SLC39A11: variants seen among roughly 807,000 people sequenced by gnomAD.
The protein encoded by SLC39A11 is zinc transporter ZIP11.
In SLC39A11, 33 loss-of-function variants were observed where a neutral mutation model predicts 36.1. That is an observed-to-expected ratio of 0.91 (90% CI 0.69 to 1.22). The LOEUF (loss-of-function observed/expected upper bound fraction) is 1.22. SLC39A11 is among the 50% of genes most tolerant of loss of function. SLC39A11 has a pLI of 0.00. For missense variants in SLC39A11, 432 were observed against 430.3 expected (o/e 1.00, Z -0.03); for synonymous variants, 166 against 170.3 (o/e 0.97, Z 0.20).
intron 6 of SLC39A11, among the ~76,000 whole-genome samples, chr17:72,750,037 C>A (rs2075092911): frequency 6.6e-6 from 1 of 152,172 alleles, no homozygotes; most frequent in Non-Finnish European, 1.5e-5. Flanking sequence ...GAGTTCTCCA[C>A]AAAGAGACTG....
intron 3 of SLC39A11, among the ~76,000 whole-genome samples, chr17:73,055,185 G>A (rs946136151): frequency 6.6e-6 from 1 of 152,206 alleles, no homozygotes; most frequent in African/African-American, 2.4e-5. Context: ...CTTCTGGGGA[G>A]TCGAGGGGGG....
intron 4 of SLC39A11, among the ~76,000 whole-genome samples, chr17:72,971,134 C>T (rs2087418514): frequency 6.6e-6 from 1 of 152,088 alleles, no homozygotes; most frequent in African/African-American, 2.4e-5. Context: ...TACGAGTGAC[C>T]CAGAAGGAAG....
chr17:73,057,736 G>A (rs964404322), intron 3 of SLC39A11, among the ~76,000 whole-genome samples: 14 of 152,184 alleles, frequency 9.2e-5, no homozygotes, highest in Admixed American at 3.9e-4. Flanking sequence ...TCAGGAGTAC[G>A]AGACCAGCCT....
At chr17:72,927,896 T>C (rs2084145705) in intron 5 of SLC39A11, among the ~76,000 whole-genome samples, 1 of 151,888 alleles carries the variant, frequency 6.6e-6, no homozygotes, top group Non-Finnish European at 1.5e-5. Context: ...ACAGGAAATA[T>C]TCATGAAAAG....
chr17:73,061,452 GC>G (rs2059837342), intron 3 of SLC39A11, among the ~76,000 whole-genome samples: 1 of 152,184 alleles, frequency 6.6e-6, no homozygotes, highest in Non-Finnish European at 1.5e-5. Flanking sequence ...TTACTTAAAT[GC>G]TAAGTCAGAT....
intron 7 of SLC39A11, among the ~76,000 whole-genome samples, chr17:72,659,348 T>C (rs561857678): frequency 6.6e-6 from 1 of 152,142 alleles, no homozygotes; most frequent in African/African-American, 2.4e-5. Context: ...GAAAGCAACA[T>C]CCAAGATGGA....
At chr17:72,721,454 A>G (rs2073676300) in intron 7 of SLC39A11, among the ~76,000 whole-genome samples, 1 of 152,122 alleles carries the variant, frequency 6.6e-6, no homozygotes, top group South Asian at 2.1e-4. Flanking sequence ...CAGTGCCTCA[A>G]TTTTCTACAT....
In SLC39A11 at chr17:72,758,665, A is replaced by C. The variant is rs547374816; in HGVS notation, c.602-21946T>G. Reference sequence around the variant, plus strand: ...TGCTTGGAACCATGAACTACTGGGAAGGTCAGGAGATAAACAATGGCAAAG... The same window carrying C: ...TGCTTGGAACCATGAACTACTGGGACGGTCAGGAGATAAACAATGGCAAAG... On this transcript the variant is annotated intron_variant, in intron 6 of 9. Coordinates refer to ENST00000255559, the MANE Select transcript of SLC39A11 (RefSeq NM_139177.4). 4.6e-5 allele frequency among the ~76,000 whole-genome samples: 7 copies of C among 152,302 alleles called. No homozygotes were observed. In the South Asian group the frequency reaches 1.4e-3, roughly 32 times the overall value.
chr17:73,024,518 T>G (rs1407455553), intron 4 of SLC39A11, among the ~76,000 whole-genome samples: 1 of 152,228 alleles, frequency 6.6e-6, no homozygotes, highest in Non-Finnish European at 1.5e-5. Context: ...AGATATTCTT[T>G]CGTGAACTAG....
chr17:72,786,744 G>T (rs757950178), intron 6 of SLC39A11, among the ~76,000 whole-genome samples: 2 of 152,122 alleles, frequency 1.3e-5, no homozygotes, highest in Non-Finnish European at 2.9e-5. Flanking sequence ...ACTGTCCTGG[G>T]GGCAGTGATA....
intron 7 of SLC39A11, among the ~76,000 whole-genome samples, chr17:72,732,040 C>CTTTCT (rs2074243576): frequency 3.0e-5 from 1 of 33,656 alleles, no homozygotes; most frequent in African/African-American, 1.2e-4. Flanking sequence ...CTTTTCTTTT[C>CTTTCT]TTTTTTTTTT....
chr17:73,050,547 T>C (rs2059461718), intron 3 of SLC39A11, among the ~76,000 whole-genome samples: 1 of 148,902 alleles, frequency 6.7e-6, no homozygotes, highest in Non-Finnish European at 1.5e-5. Flanking sequence ...CACTGCAACC[T>C]CTGCCTCCCG....
Position 72,646,384 on chromosome 17 carries a change from T to C in SLC39A11, c.*1200A>G, listed in dbSNP as rs985824857. On this transcript the variant is annotated 3_prime_UTR_variant, in exon 10 of 10. Coordinates refer to ENST00000255559, the MANE Select transcript of SLC39A11 (RefSeq NM_139177.4). ...ATCTGTGTTTGAAGTGGACAGGTCA[T>C]TGCTACCCCTGTTGGAGAAGCTATG... 1 of 152,292 alleles carries C rather than the reference T, an allele frequency of 6.6e-6. No homozygotes were observed. The highest frequency in any genetic ancestry group is 1.5e-5 in the Non-Finnish European group (1 of 68,038). 9.4% of individuals were successfully genotyped at this position (152,292 alleles called of 1,614,324 possible).
At chr17:72,751,437 CCTTT>C (rs1480309354) in intron 6 of SLC39A11, among the ~76,000 whole-genome samples, 2 of 152,096 alleles carry the variant, frequency 1.3e-5, no homozygotes, top group Non-Finnish European at 2.9e-5. Flanking sequence ...TTCCTTCCTC[CCTTT>C]CTTATTACCA....
chr17:72,684,854 T>C (rs1341184194), intron 7 of SLC39A11, among the ~76,000 whole-genome samples: 3 of 152,164 alleles, frequency 2.0e-5, no homozygotes, highest in African/African-American at 4.8e-5. Context: ...GGGTGCCCAA[T>C]GGCTTGAAGT....
chr17:73,059,879 TAGG>T (rs1568207466), intron 3 of SLC39A11, among the ~76,000 whole-genome samples: 1 of 151,840 alleles, frequency 6.6e-6, no homozygotes, highest in East Asian at 1.9e-4. Flanking sequence ...AAGAAGGTTG[TAGG>T]AGGTTTGTGG....
At chr17:72,974,134 T>C (rs1422550057) in intron 4 of SLC39A11, among the ~76,000 whole-genome samples, 1 of 152,160 alleles carries the variant, frequency 6.6e-6, no homozygotes. Context: ...GGAGTCTCAC[T>C]CTGTCACCCA....
chr17:72,708,203 G>GT (rs1315813511), intron 7 of SLC39A11, among the ~76,000 whole-genome samples: 2 of 152,174 alleles, frequency 1.3e-5, no homozygotes, highest in African/African-American at 4.8e-5. Context: ...CATTCTGGGT[G>GT]TTTTTGTGAG....
chr17:73,073,047 G>A (rs2060212026), intron 3 of SLC39A11, among the ~76,000 whole-genome samples: 1 of 152,190 alleles, frequency 6.6e-6, no homozygotes. Context: ...GGACGTGGTG[G>A]CAGGCGTCTG....
Sources: gnomAD v4.1 joint callset for allele counts (sites outside exome capture counted in the v4.1 genomes callset) on GRCh38, gnomAD v4.1.1 for gene constraint, MANE v1.5 for transcripts, NCBI Gene and HGNC (gene_info 2026-07-23, HGNC 2026-07-21) for gene names.